The following ARMC12 variants were observed in gnomAD, a reference collection of about 807,000 sequenced individuals.
ARMC12 encodes the protein armadillo repeat containing 12, also known as armadillo repeat-containing protein 12.
In ARMC12, 25 loss-of-function variants were observed where a neutral mutation model predicts 37.4. The ratio of observed to expected loss-of-function variants is 0.67; its 90% CI spans 0.49 to 0.93. The LOEUF is 0.93. Ranked by LOEUF, ARMC12 falls within the 40% of genes least tolerant of loss-of-function variation. The probability of loss-of-function intolerance (pLI) is 0.00; values close to 1 mark genes in which losing one functional copy is unlikely to be tolerated. For missense variants in ARMC12, 384 were observed against 426.6 expected, an observed-to-expected ratio of 0.90 and a Z score of 0.88; for synonymous variants, 167 against 176.1, an observed-to-expected ratio of 0.95 and a Z score of 0.41.
intron 1 of ARMC12, 185 bp downstream of exon 1, chr6:35,737,456 G>A: frequency 6.5e-7 from 1 of 1,533,922 alleles, no homozygotes; most frequent in Non-Finnish European, 8.8e-7. Context: ...TGCTAGCTCA[G>A]GGTCCCTGGA....
chr6:35,741,220 A>G (rs1226042249), intron 3 of ARMC12, among the ~76,000 whole-genome samples: 1 of 151,946 alleles, frequency 6.6e-6, no homozygotes, highest in Non-Finnish European at 1.5e-5. Flanking sequence ...TCACACTCAC[A>G]TTGTGCTGTG....
Position 35,748,820 on chromosome 6 carries a change from C to G in ARMC12, c.973C>G (p.Arg325Gly), listed in dbSNP as rs372735857. Residue 325 changes from arginine (R) to glycine (G), a missense_variant, in exon 6 of 6, where the codon CGG becomes GGG. By Grantham distance (125) the Arg-to-Gly change is moderately radical. Transcript: ENST00000373866. ...GCAGTATCCCCAGGACTTGAGAGCC[C>G]GGCCCTCCTCCTGCCAGCCCAGTCG... The part of the protein sequence containing the change: ...SLQYPQDLRA[R>G]PSSCQPSRSY... The G allele has an allele frequency of 2.3e-5, 37 of 1,613,888 alleles. No homozygotes were observed. The highest frequency in any genetic ancestry group is 3.1e-5 in the Non-Finnish European group (36 of 1,179,924).
chr6:35,731,540 C>T, the ARMC12 span, among the ~76,000 whole-genome samples: 1 of 152,134 alleles, frequency 6.6e-6, no homozygotes, highest in Admixed American at 6.5e-5. Flanking sequence ...CCATCGTCTC[C>T]TGGTGCCCTG....
At chr6:35,738,236 C>T in intron 2 of ARMC12, 64 bp downstream of exon 2, 1 of 1,569,954 alleles carries the variant, frequency 6.4e-7, no homozygotes, top group Non-Finnish European at 8.6e-7. Flanking sequence ...CGATCCCTGC[C>T]CCTGGAATGG....
intron 3 of ARMC12, among the ~76,000 whole-genome samples, chr6:35,741,269 G>C (rs1180110884): frequency 6.6e-6 from 1 of 152,120 alleles, no homozygotes; most frequent in Non-Finnish European, 1.5e-5. Flanking sequence ...GCCTGAGAGA[G>C]GATTCTAGGG....
upstream of ARMC12, among the ~76,000 whole-genome samples, chr6:35,732,713 C>A (rs1369857539): frequency 6.6e-6 from 1 of 152,162 alleles, no homozygotes; most frequent in Non-Finnish European, 1.5e-5. Context: ...GAGGAAGGGG[C>A]CTTAGGATTC....
upstream of ARMC12, among the ~76,000 whole-genome samples, chr6:35,734,840 C>T (rs1581916044): frequency 1.3e-5 from 2 of 151,866 alleles, no homozygotes; most frequent in East Asian, 3.9e-4. Flanking sequence ...AACAATTATT[C>T]CCAAGAAAAG....
intron 5 of ARMC12, among the ~76,000 whole-genome samples, chr6:35,748,104 G>A (rs1277603670): frequency 6.6e-6 from 1 of 152,174 alleles, no homozygotes; most frequent in African/African-American, 2.4e-5. Context: ...TACCACTACA[G>A]TGGGAGATTT....
In ARMC12 at chr6:35,749,024, C is replaced by T; in HGVS notation, c.*154C>T. ...TACAGCATGGGCTTATCTCTCAAAA[C>T]ACATCCCCACTTCTATGTTTGGGGG... On this transcript the variant is annotated 3_prime_UTR_variant, in exon 6 of 6. Transcript: ENST00000373866. 3.0e-6 allele frequency: 2 copies of T among 673,390 alleles called. No individual in the cohort carries two copies. The highest frequency in any genetic ancestry group is 2.3e-5 in the South Asian group (1 of 42,646). 41.7% of individuals were successfully genotyped at this position (673,390 alleles called of 1,614,324 possible). A position where few individuals can be genotyped will look rare whatever the true frequency, so the allele number is the denominator to read the frequency against.
At position 35,747,427 on chromosome 6, in the gene ARMC12, T is replaced by C. The variant is rs1767374825; in HGVS notation, c.611T>C (p.Leu204Pro). 6.2e-7 allele frequency: 1 copy of C among 1,614,200 alleles called. No individual in the cohort carries two copies. The highest frequency in any genetic ancestry group is 1.3e-5 in the African/African-American group (1 of 75,056). Residue 204 changes from leucine to proline, a missense_variant, in exon 4 of 6, where the codon CTG (leucine) becomes CCG (proline). By Grantham distance (98) the Leu-to-Pro change is moderately conservative. Coordinates refer to ENST00000373866, the MANE Select transcript of ARMC12 (RefSeq NM_001286574.2). ...LMEILQSDYILAQVQAVRLLS... is the reference protein window; with the variant it reads ...LMEILQSDYIPAQVQAVRLLS... ...GAGATCCTGCAGTCAGACTACATCC[T>C]GGCACAGGTGCCTGAGGACCATGGC...
intron 3 of ARMC12, among the ~76,000 whole-genome samples, chr6:35,741,397 GTTTGATAATTTCACAT>G (rs1581924459): frequency 1.3e-5 from 2 of 149,326 alleles, no homozygotes; most frequent in East Asian, 3.9e-4. Context: ...ATAACCTAAC[GTTTGATAATTTCACAT>G]TTTAATTTTT....
chr6:35,747,057 TA>T lies in ARMC12; in HGVS notation c.445-186del, dbSNP rs74403253. The stretch of plus-strand genomic sequence containing the variant: ...GCAGAATAGCTAGGAAAGAAGTCTG[TA>T]AAAAAAAAAAAAAAAAAGCCAAATA... On this transcript the variant is annotated intron_variant, in intron 3 of 5. Coordinates refer to ENST00000373866, the MANE Select transcript of ARMC12 (RefSeq NM_001286574.2). 2.8e-3 allele frequency among the ~76,000 whole-genome samples: 231 copies of T among 82,510 alleles called. 3 individuals carry two copies. The highest frequency in any genetic ancestry group is 9.4e-3 in the Middle Eastern group (1 of 106). The allele number at this position is 82,510 out of a possible 152,430, so 54.1% of individuals were successfully genotyped here. A position where few individuals can be genotyped will look rare whatever the true frequency, so the allele number is the denominator to read the frequency against.
At chr6:35,741,483 C>T (rs1000036435) in intron 3 of ARMC12, among the ~76,000 whole-genome samples, 7 of 151,086 alleles carry the variant, frequency 4.6e-5, no homozygotes, top group Admixed American at 2.0e-4. Flanking sequence ...GGCACGATCT[C>T]GGCTCACTAC....
At position 35,749,073 on chromosome 6, in the gene ARMC12, G is replaced by C; in HGVS notation, c.*203G>C. ...GGACTAGCTCCCCTCTTCTCTTGCT[G>C]CTTTTCTTTCTTTTTTTTTTTTTGA... is the stretch of plus-strand genomic sequence containing the variant. On this transcript the variant is annotated 3_prime_UTR_variant, in exon 6 of 6. Coordinates refer to ENST00000373866, the MANE Select transcript of ARMC12 (RefSeq NM_001286574.2). The C allele has an allele frequency of 2.0e-6, 1 of 506,128 alleles. No individual in the cohort carries two copies. Among genetic ancestry groups the C allele is most frequent in the Non-Finnish European group, 3.3e-6 (1 of 302,034 alleles). 31.4% of individuals were successfully genotyped at this position (506,128 alleles called of 1,614,324 possible).
chr6:35,739,587 C>T (rs1404197390), intron 3 of ARMC12, among the ~76,000 whole-genome samples: 2 of 152,200 alleles, frequency 1.3e-5, no homozygotes, highest in Non-Finnish European at 2.9e-5. Context: ...CTAAATGGGT[C>T]CCATTAAGAA....
chr6:35,739,261 C>T (rs1331968569), intron 3 of ARMC12, among the ~76,000 whole-genome samples: 2 of 152,124 alleles, frequency 1.3e-5, no homozygotes, highest in South Asian at 2.1e-4. Context: ...AGGAAATTAT[C>T]GCTGGACCAA....
upstream of ARMC12, among the ~76,000 whole-genome samples, chr6:35,733,602 G>A (rs751391731): frequency 1.7e-4 from 26 of 152,068 alleles, no homozygotes; most frequent in Non-Finnish European, 3.2e-4. Context: ...TCCGCCTCCC[G>A]GGTTCAAGCA....
rs1259648978 is a variant in ARMC12, at chr6:35,737,291, G to A, written c.163+20G>A. The A allele has an allele frequency of 4.3e-6, 7 of 1,614,234 alleles. No homozygotes were observed. Among genetic ancestry groups the A allele is most frequent in the Non-Finnish European group, 5.1e-6 (6 of 1,180,038 alleles). On this transcript the variant is annotated intron_variant, in intron 1 of 5. Transcript: ENST00000373866. ...TCGCCCGTGAGTGTCCGGGCCCTGGGGAGAGGGCTCTGCCCCAGGAGGCAC... is the reference window on the plus strand; with the variant it reads ...TCGCCCGTGAGTGTCCGGGCCCTGGAGAGAGGGCTCTGCCCCAGGAGGCAC...
rs1766984358 is a variant in ARMC12, at chr6:35,737,050, G to C, written c.-59G>C. ...CCCTGCCAGAGTTCTGGTTCCGGAA[G>C]GCCCCCCACAGGTGCCTTGGGCCTA... On this transcript the variant is annotated 5_prime_UTR_variant, in exon 1 of 6. Coordinates refer to ENST00000373866, the MANE Select transcript of ARMC12 (RefSeq NM_001286574.2). 12 of 1,596,328 alleles carry C rather than the reference G, an allele frequency of 7.5e-6. No individual in the cohort carries two copies. The Admixed American group carries it at 1.7e-4, about 23-fold the overall frequency.
Sources: gnomAD v4.1 joint callset for allele counts (sites outside exome capture counted in the v4.1 genomes callset) on GRCh38, gnomAD v4.1.1 for gene constraint, MANE v1.5 for transcripts, NCBI Gene and HGNC (gene_info 2026-07-23, HGNC 2026-07-21) for gene names.